Variants in FAM114A1 observed in about 807,000 individuals in gnomAD.
FAM114A1 encodes protein NOXP20.
Under a neutral mutation model 64.3 loss-of-function variants are expected in FAM114A1, and 62 were observed. The observed-to-expected ratio is 0.96, with a 90% CI of 0.79 to 1.19. The LOEUF (loss-of-function observed/expected upper bound fraction) is 1.19, where lower values mean the gene tolerates loss of function less well. Ranked by LOEUF, FAM114A1 falls within the 50% of genes most tolerant of loss-of-function variation. FAM114A1 has a pLI of 0.00. For missense variants in FAM114A1, 645 were observed against 676.3 expected, an observed-to-expected ratio of 0.95 and a Z score of 0.51; for synonymous variants, 254 against 251.1, an observed-to-expected ratio of 1.01 and a Z score of -0.11.
intron 14 of FAM114A1, among the ~76,000 whole-genome samples, chr4:38,941,831 G>A (rs1721597977): frequency 6.6e-6 from 1 of 152,186 alleles, no homozygotes; most frequent in Non-Finnish European, 1.5e-5. Context: ...TGAAGTGGCT[G>A]TCCATTGCAA....
intron 12 of FAM114A1, among the ~76,000 whole-genome samples, chr4:38,932,766 C>G (rs544380487): frequency 2.0e-5 from 3 of 151,852 alleles, no homozygotes; most frequent in East Asian, 1.9e-4. Context: ...TAAAGTGCTA[C>G]GATTACAGGC....
At chr4:38,910,730 C>T (rs1718455731) in intron 7 of FAM114A1, among the ~76,000 whole-genome samples, 1 of 152,118 alleles carries the variant, frequency 6.6e-6, no homozygotes, top group South Asian at 2.1e-4. Context: ...AAGCTCATTC[C>T]AGGCCAAGGG....
chr4:38,932,489 T>A, intron 12 of FAM114A1, 115 bp downstream of exon 12: 1 of 1,139,108 alleles, frequency 8.8e-7, no homozygotes, highest in Middle Eastern at 2.5e-4. Flanking sequence ...GGTTTCTTTT[T>A]GTTTGTTTTT....
At chr4:38,902,362 A>G (rs1038869199) in intron 4 of FAM114A1, among the ~76,000 whole-genome samples, 1 of 152,186 alleles carries the variant, frequency 6.6e-6, no homozygotes, top group African/African-American at 2.4e-5. Flanking sequence ...GTTTCTTCTC[A>G]ATAATCTCGC....
chr4:38,883,276 C>T (rs925740706), intron 3 of FAM114A1, among the ~76,000 whole-genome samples: 1 of 152,138 alleles, frequency 6.6e-6, no homozygotes, highest in African/African-American at 2.4e-5. Context: ...ACAAGGGAGG[C>T]TTTAGACAGA....
rs150720195 is a variant in FAM114A1 at position 38,879,274 on chromosome 4, C to A, written c.348+848C>A. 8.5e-3 allele frequency among the ~76,000 whole-genome samples: 1,290 copies of A among 152,278 alleles called. 11 individuals are homozygous for A. Among genetic ancestry groups the A allele is most frequent in the African/African-American group, 0.024 (990 of 41,540 alleles). Reference sequence around the variant, plus strand: ...ATTGGGGTCTTCCCTCAGCCAGGCCCAGCCCTGTTCATCCTGAAGTGTGCC... The same window carrying A: ...ATTGGGGTCTTCCCTCAGCCAGGCCAAGCCCTGTTCATCCTGAAGTGTGCC... On this transcript the variant is annotated intron_variant, in intron 3 of 14. Coordinates refer to ENST00000358869, the MANE Select transcript of FAM114A1 (RefSeq NM_138389.4).
chr4:38,914,976 T>C lies in FAM114A1; in HGVS notation c.848T>C (p.Met283Thr), dbSNP rs960007701. 1.2e-6 allele frequency: 2 copies of C among 1,614,020 alleles called. No homozygotes were observed. The highest frequency in any genetic ancestry group is 1.3e-5 in the African/African-American group (1 of 74,916). The change falls in exon 8 of 15, where the codon ATG becomes ACG. Residue 283 changes from methionine (M) to threonine (T), a missense_variant. Met to Thr is a moderately conservative substitution (Grantham distance 81, BLOSUM62 -1). Transcript: ENST00000358869. Reference protein sequence around the residue: ...EKQRLAQQLTMERTAHYGMLF... With the variant: ...EKQRLAQQLTTERTAHYGMLF... ...CAGAGACTGGCACAGCAGCTCACGA[T>C]GGAGAGAACCGCGCACTACGGGATG...
At chr4:38,928,393 A>C (rs1319898978) in intron 9 of FAM114A1, among the ~76,000 whole-genome samples, 1 of 152,232 alleles carries the variant, frequency 6.6e-6, no homozygotes, top group Non-Finnish European at 1.5e-5. Flanking sequence ...ACTTTAAAAG[A>C]GAAAAATAAG....
chr4:38,926,454 C>G (rs1286616406), intron 9 of FAM114A1, among the ~76,000 whole-genome samples: 1 of 151,654 alleles, frequency 6.6e-6, no homozygotes, highest in Admixed American at 6.6e-5. Flanking sequence ...CTCTCTCTCT[C>G]CCCTTTTTTT....
At chr4:38,931,824 G>A (rs567157522) in intron 11 of FAM114A1, among the ~76,000 whole-genome samples, 22 of 152,286 alleles carry the variant, frequency 1.4e-4, no homozygotes, top group East Asian at 9.7e-4. Context: ...GCGTGGTGGC[G>A]TGTGCCTGTA....
intron 7 of FAM114A1, 140 bp downstream of exon 7, chr4:38,908,866 C>CTTTTTTTTTTTTTTTTTTTTTTTT: frequency 1.2e-6 from 1 of 847,822 alleles, no homozygotes; most frequent in African/African-American, 1.7e-5. Flanking sequence ...AACTGAGCTT[C>CTTTTTTTTTTTTTTTTTTTTTTTT]TAATACCCCC....
intron 4 of FAM114A1, 30 bp downstream of exon 4, chr4:38,891,860 C>A: frequency 1.3e-6 from 2 of 1,573,994 alleles, no homozygotes; most frequent in East Asian, 2.3e-5. Flanking sequence ...TTGGAATAGA[C>A]AAAGTACCAA....
chr4:38,927,996 G>T (rs1720299411), intron 9 of FAM114A1, among the ~76,000 whole-genome samples: 1 of 152,134 alleles, frequency 6.6e-6, no homozygotes, highest in African/African-American at 2.4e-5. Flanking sequence ...TATCTGTTTT[G>T]ATTATTGATC....
At chr4:38,909,389 G>A (rs1283109515) in intron 7 of FAM114A1, among the ~76,000 whole-genome samples, 1 of 152,174 alleles carries the variant, frequency 6.6e-6, no homozygotes, top group Non-Finnish European at 1.5e-5. Context: ...TATCTCATTG[G>A]AATTTTAAAT....
rs566424346 is a variant in FAM114A1 at position 38,920,947 on chromosome 4, G to A, written c.946-1823G>A. ...CAGAGCTTCCTCCCAGAGCCTCAGT[G>A]CTGGCTGCATTATGCCCTGGCAATG... On this transcript the variant is annotated intron_variant, in intron 8 of 14. Coordinates refer to ENST00000358869, the MANE Select transcript of FAM114A1 (RefSeq NM_138389.4). Among the ~76,000 whole-genome samples, 471 of 152,340 alleles carry A rather than the reference G, an allele frequency of 3.1e-3. 2 individuals are homozygous for A. The highest frequency in any genetic ancestry group is 5.4e-3 in the Non-Finnish European group (365 of 68,034).
chr4:38,910,872 G>A (rs187476657), intron 7 of FAM114A1, among the ~76,000 whole-genome samples: 10 of 152,324 alleles, frequency 6.6e-5, no homozygotes, highest in African/African-American at 2.4e-4. Flanking sequence ...TAGGGAGTAG[G>A]TGATAGCAGA....
At position 38,886,753 on chromosome 4, in the gene FAM114A1, C is replaced by T. The variant is rs569864186; in HGVS notation, c.349-4990C>T. Reference sequence around the variant, plus strand: ...GACCAGCCTGGCCAACAAGGTGAAACCCTGTCTCCACTAAAAATACAAAAA... The same window carrying T: ...GACCAGCCTGGCCAACAAGGTGAAATCCTGTCTCCACTAAAAATACAAAAA... On this transcript the variant is annotated intron_variant, in intron 3 of 14. Coordinates refer to ENST00000358869, the MANE Select transcript of FAM114A1 (RefSeq NM_138389.4). Among the ~76,000 whole-genome samples, 185 of 151,620 alleles carry T rather than the reference C, an allele frequency of 1.2e-3. 1 individual carries two copies. Among genetic ancestry groups the T allele is most frequent in the African/African-American group, 4.3e-3 (177 of 41,362 alleles).
intron 13 of FAM114A1, among the ~76,000 whole-genome samples, chr4:38,937,180 A>G (rs1721182791): frequency 1.3e-5 from 2 of 152,210 alleles, no homozygotes; most frequent in Admixed American, 1.3e-4. Flanking sequence ...GGTTTCAAGT[A>G]TATTAGTTTC....
rs1363724179 is a variant in FAM114A1, at chr4:38,915,055, C to A, written c.927C>A (p.Ser309=). The A allele has an allele frequency of 1.2e-6, 2 of 1,614,004 alleles. No homozygotes were observed. The highest frequency in any genetic ancestry group is 1.7e-6 in the Non-Finnish European group (2 of 1,179,958). The change falls in exon 8 of 15, where the codon TCC becomes TCA. Residue 309 remains serine, a synonymous_variant. Coordinates refer to ENST00000358869, the MANE Select transcript of FAM114A1 (RefSeq NM_138389.4). ...ACCTGGAAGCCCTGGAAATTCTGTC[C>A]AATGAAAGCGAAAGCAAGGTACTTC... ...LSHLEALEIL[S]NESESKVQSF... is the part of the protein sequence containing the mutation.
Sources: allele counts gnomAD v4.1 joint callset (sites outside exome capture counted in the v4.1 genomes callset), GRCh38; gene constraint gnomAD v4.1.1; transcripts MANE v1.5; gene names NCBI Gene and HGNC (gene_info 2026-07-23, HGNC 2026-07-21).